The following DOCK3 variants were observed in gnomAD, a reference collection of about 807,000 sequenced individuals.
DOCK3 encodes dedicator of cytokinesis 3, also known as dedicator of cytokinesis protein 3.
DOCK3 carries 60 observed loss-of-function variants against 265.6 expected under a neutral mutation model. The ratio of observed to expected loss-of-function variants is 0.23; its 90% CI spans 0.18 to 0.28. DOCK3 has a LOEUF of 0.28. DOCK3 is among the 10% of genes least tolerant of loss of function. The probability of loss-of-function intolerance (pLI) is 1.00; values close to 1 mark genes in which losing one functional copy is unlikely to be tolerated. For missense variants in DOCK3, 1,981 were observed against 2,594.3 expected (o/e 0.76, Z 5.14); for synonymous variants, 881 against 938.0 (o/e 0.94, Z 1.11).
intron 5 of DOCK3, among the ~76,000 whole-genome samples, chr3:51,036,308 G>A (rs1003434765): frequency 1.3e-5 from 2 of 152,168 alleles, no homozygotes; most frequent in Non-Finnish European, 2.9e-5. Flanking sequence ...ATGGGATGAA[G>A]TACAGTTGTG....
At chr3:51,103,832 T>C (rs778560887) in intron 9 of DOCK3, among the ~76,000 whole-genome samples, 2 of 152,190 alleles carry the variant, frequency 1.3e-5, no homozygotes, top group Non-Finnish European at 2.9e-5. Context: ...TATTCACTTA[T>C]CCAACTACAC....
At chr3:50,765,119 T>C (rs1306881844) in intron 1 of DOCK3, among the ~76,000 whole-genome samples, 1 of 139,702 alleles carries the variant, frequency 7.2e-6, no homozygotes. Context: ...TCTCGCTTTG[T>C]CGCCCAGGCT....
intron 19 of DOCK3, among the ~76,000 whole-genome samples, chr3:51,235,685 T>A (rs1442603894): frequency 6.6e-6 from 1 of 152,212 alleles, no homozygotes; most frequent in African/African-American, 2.4e-5. Context: ...TAGACTTGAT[T>A]TTTGAAGGCT....
intron 32 of DOCK3, 90 bp downstream of exon 32, chr3:51,315,218 TG>T (rs2083300264): frequency 7.0e-7 from 1 of 1,434,658 alleles, no homozygotes. Context: ...ATGATTCTAG[TG>T]GGGATGGGCT....
At chr3:51,347,744 C>T (rs1402351611) in intron 38 of DOCK3, among the ~76,000 whole-genome samples, 2 of 152,162 alleles carry the variant, frequency 1.3e-5, no homozygotes, top group South Asian at 4.1e-4. Context: ...TGGCCATTTT[C>T]ACAGTATTGA....
At chr3:51,274,983 T>G (rs2080731186) in intron 24 of DOCK3, 96 bp from the exon 25 acceptor site, 1 of 1,516,930 alleles carries the variant, frequency 6.6e-7, no homozygotes, top group African/African-American at 1.4e-5. Context: ...GAACCCCACC[T>G]GCTTTGAGAA....
At chr3:50,796,582 C>G (rs1180323786) in intron 2 of DOCK3, among the ~76,000 whole-genome samples, 1 of 152,104 alleles carries the variant, frequency 6.6e-6, no homozygotes, top group Non-Finnish European at 1.5e-5. Context: ...AGGTGATTTG[C>G]CCACCTTGGC....
intron 6 of DOCK3, among the ~76,000 whole-genome samples, chr3:51,070,142 C>T (rs1230265028): frequency 6.6e-6 from 1 of 152,180 alleles, no homozygotes; most frequent in African/African-American, 2.4e-5. Context: ...AACCTGCACT[C>T]AGCACTTGGT....
At chr3:50,718,420 C>G (rs1435175441) in intron 1 of DOCK3, among the ~76,000 whole-genome samples, 1 of 152,124 alleles carries the variant, frequency 6.6e-6, no homozygotes, top group Non-Finnish European at 1.5e-5. Flanking sequence ...TAAAATGTTT[C>G]TCTAGTGTCT....
chr3:50,874,182 A>C (rs2047586153), intron 3 of DOCK3, among the ~76,000 whole-genome samples: 1 of 149,970 alleles, frequency 6.7e-6, no homozygotes, highest in South Asian at 2.1e-4. Flanking sequence ...TAGGAATTGC[A>C]TTAAATGTAT....
intron 1 of DOCK3, among the ~76,000 whole-genome samples, chr3:50,774,572 G>A (rs2041477284): frequency 6.6e-6 from 1 of 151,782 alleles, no homozygotes; most frequent in South Asian, 2.1e-4. Context: ...CTACAATCAT[G>A]TATTTGTTGT....
Position 51,380,173 on chromosome 3 carries a change from C to A in DOCK3, c.5549C>A (p.Thr1850Asn), listed in dbSNP as rs782210179. 6.2e-7 allele frequency: 1 copy of A among 1,606,208 alleles called. No individual in the cohort carries two copies. The highest frequency in any genetic ancestry group is 1.1e-5 in the South Asian group (1 of 90,594). The stretch of plus-strand genomic sequence containing the variant: ...GCCTTCCACCACCCTCTGGGTGATA[C>A]CCCCCCAGCCCTCCCTGCCCGGACC... The part of the protein sequence containing the change: ...FDAFHHPLGD[T>N]PPALPARTLR... The change falls in exon 52 of 53, where the codon ACC becomes AAC. Residue 1850 changes from threonine to asparagine, a missense_variant. This residue lies in a region of DOCK3 where 1,357 missense variants were observed against 1,866.8 expected (regional missense o/e 0.73). Transcript: ENST00000266037.
intron 21 of DOCK3, among the ~76,000 whole-genome samples, chr3:51,239,067 C>G (rs772538294): frequency 2.0e-5 from 3 of 152,196 alleles, no homozygotes; most frequent in Non-Finnish European, 4.4e-5. Context: ...CTAATTTACA[C>G]TACCATCAAC....
chr3:51,245,025 G>T (rs751851845), intron 21 of DOCK3, among the ~76,000 whole-genome samples: 2 of 152,128 alleles, frequency 1.3e-5, no homozygotes, highest in East Asian at 1.9e-4. Flanking sequence ...AGAAACACAG[G>T]TTATCTAAGA....
chr3:50,786,806 C>T lies in DOCK3; in HGVS notation c.121+8048C>T, dbSNP rs750492232. On this transcript the variant is annotated intron_variant, in intron 2 of 52. Transcript: ENST00000266037. ...GAACTGTTTGTGCCCAACGTGGATG[C>T]TCATGTGGGTGTGTAGCTGGTAATT... 1.9e-5 allele frequency: 14 copies of T among 741,132 alleles called. No individual in the cohort carries two copies. In the East Asian group the frequency reaches 3.1e-4, roughly 16 times the overall value. The allele number at this position is 741,132 out of a possible 1,614,324, so 45.9% of individuals were successfully genotyped here. A position where few individuals can be genotyped will look rare whatever the true frequency, so the allele number is the denominator to read the frequency against.
intron 3 of DOCK3, among the ~76,000 whole-genome samples, chr3:50,860,313 T>C (rs562373078): frequency 2.0e-5 from 3 of 152,302 alleles, no homozygotes; most frequent in African/African-American, 7.2e-5. Context: ...CAGAGAGGCT[T>C]TCAGATGCCC....
chr3:51,220,788 G>A (rs2090062089), intron 14 of DOCK3, among the ~76,000 whole-genome samples: 1 of 149,182 alleles, frequency 6.7e-6, no homozygotes, highest in Admixed American at 6.8e-5. Context: ...TATACAGAAG[G>A]AATGTGAATA....
chr3:51,191,150 A>G (rs1036133227), intron 12 of DOCK3, among the ~76,000 whole-genome samples: 5 of 152,054 alleles, frequency 3.3e-5, no homozygotes, highest in African/African-American at 1.2e-4. Context: ...CTGTGGAGAC[A>G]GCAATCAGGG....
chr3:50,800,496 A>C (rs1307989054), intron 2 of DOCK3, among the ~76,000 whole-genome samples: 1 of 152,108 alleles, frequency 6.6e-6, no homozygotes, highest in Non-Finnish European at 1.5e-5. Flanking sequence ...ATCACCAATG[A>C]GCCTTTGTAT....
Sources: allele counts gnomAD v4.1 joint callset (sites outside exome capture counted in the v4.1 genomes callset), GRCh38; gene constraint gnomAD v4.1.1; regional missense constraint gnomAD v4.1.1; transcripts MANE v1.5; gene names NCBI Gene and HGNC (gene_info 2026-07-23, HGNC 2026-07-21).